Variants in TNIK observed in about 807,000 individuals in gnomAD.
TNIK encodes the protein TRAF2 and NCK interacting kinase.
A neutral mutation model predicts 191.3 loss-of-function variants in TNIK; 49 were observed. The observed-to-expected ratio is 0.26, with a 90% CI of 0.20 to 0.32. TNIK has a LOEUF of 0.32. Ranked by LOEUF, TNIK falls within the 10% of genes least tolerant of loss-of-function variation. The pLI, the probability that TNIK is intolerant of heterozygous loss-of-function variation, is 1.00. For missense variants in TNIK, 1,155 were observed against 1,702.3 expected (o/e 0.68, Z 5.66); for synonymous variants, 594 against 600.9 (o/e 0.99, Z 0.17).
At chr3:171,455,433 G>GTCT (rs907755362) in intron 1 of TNIK, among the ~76,000 whole-genome samples, 1 of 149,220 alleles carries the variant, frequency 6.7e-6, no homozygotes, top group African/African-American at 2.5e-5. Context: ...TAGAGATGGA[G>GTCT]TCTCCCTACA....
chr3:171,266,453 G>A (rs1191774869), intron 2 of TNIK, among the ~76,000 whole-genome samples: 1 of 152,176 alleles, frequency 6.6e-6, no homozygotes, highest in Non-Finnish European at 1.5e-5. Flanking sequence ...TCTCAAAGTA[G>A]AGAGGAATGA....
chr3:171,197,843 T>C (rs1738897783), intron 4 of TNIK, among the ~76,000 whole-genome samples: 2 of 152,198 alleles, frequency 1.3e-5, no homozygotes, highest in African/African-American at 2.4e-5. Flanking sequence ...GTTACTGCGG[T>C]GAACAGTTAA....
At chr3:171,198,930 G>T (rs186508025) in intron 4 of TNIK, among the ~76,000 whole-genome samples, 1 of 152,272 alleles carries the variant, frequency 6.6e-6, no homozygotes, top group East Asian at 1.9e-4. Context: ...CATTGCTCCT[G>T]TATCAGCTGG....
At chr3:171,250,071 T>G (rs1486659471) in intron 2 of TNIK, among the ~76,000 whole-genome samples, 1 of 152,234 alleles carries the variant, frequency 6.6e-6, no homozygotes, top group Non-Finnish European at 1.5e-5. Context: ...GCCTGCATGC[T>G]TCTGCCTTTG....
At position 171,244,329 on chromosome 3, in the gene TNIK, T is replaced by C. The variant is rs1001433788; in HGVS notation, c.124-16108A>G. ...ATCCACCCACCTCGGCCTCCCAAAG[T>C]GCTGGGATTACAGGCGTGAGCCACT... On this transcript the variant is annotated intron_variant, in intron 2 of 32. Transcript: ENST00000436636. Among the ~76,000 whole-genome samples the C allele has an allele frequency of 5.3e-5, 8 of 152,190 alleles. No individual in the cohort carries two copies. The East Asian group carries it at 9.7e-4, about 18-fold the overall frequency.
chr3:171,273,559 G>A (rs1053903910), intron 2 of TNIK, among the ~76,000 whole-genome samples: 4 of 152,116 alleles, frequency 2.6e-5, no homozygotes, highest in African/African-American at 4.8e-5. Context: ...CTCTTAAGAA[G>A]GTATTTTCAC....
intron 22 of TNIK, among the ~76,000 whole-genome samples, chr3:171,095,663 G>A (rs1344643711): frequency 6.6e-6 from 1 of 151,924 alleles, no homozygotes; most frequent in Non-Finnish European, 1.5e-5. Flanking sequence ...ATGTCTCTGG[G>A]GCAGAGAAAG....
intron 1 of TNIK, among the ~76,000 whole-genome samples, chr3:171,392,794 A>G (rs1450137370): frequency 6.6e-6 from 1 of 151,292 alleles, no homozygotes; most frequent in Non-Finnish European, 1.5e-5. Context: ...AAAAAAAAAA[A>G]AGAAAAGAAA....
At chr3:171,115,135 G>A (rs1351331311) in intron 18 of TNIK, among the ~76,000 whole-genome samples, 1 of 152,170 alleles carries the variant, frequency 6.6e-6, no homozygotes, top group Non-Finnish European at 1.5e-5. Context: ...TCATTTTGTG[G>A]AACGGTAATG....
intron 24 of TNIK, 22 bp downstream of exon 24, chr3:171,087,320 T>A: frequency 1.2e-6 from 2 of 1,613,316 alleles, no homozygotes; most frequent in Non-Finnish European, 1.7e-6. Context: ...AACTGTCATG[T>A]CAGCTGTTGC....
intron 2 of TNIK, among the ~76,000 whole-genome samples, chr3:171,302,867 C>T (rs145481900): frequency 8.3e-4 from 127 of 152,290 alleles, no homozygotes; most frequent in Non-Finnish European, 1.6e-3. Flanking sequence ...GTCTCCATCT[C>T]CTCCACCATC....
intron 1 of TNIK, among the ~76,000 whole-genome samples, chr3:171,421,724 A>ATTTTTTTTTTTTTTTTTT (rs67895255): frequency 1.1e-5 from 1 of 91,354 alleles, no homozygotes; most frequent in African/African-American, 5.0e-5. Flanking sequence ...TAGTTGTGTA[A>ATTTTTTTTTTTTTTTTTT]TTTTTTTTTT....
At chr3:171,434,918 A>G (rs1725847741) in intron 1 of TNIK, among the ~76,000 whole-genome samples, 1 of 152,208 alleles carries the variant, frequency 6.6e-6, no homozygotes. Flanking sequence ...GGATGTTTGC[A>G]ACTGCAAGTA....
chr3:171,192,934 G>GT (rs781055494), intron 5 of TNIK, among the ~76,000 whole-genome samples: 8 of 152,082 alleles, frequency 5.3e-5, no homozygotes, highest in Non-Finnish European at 7.4e-5. Flanking sequence ...GGATGTATGT[G>GT]TTTTTTCTTA....
At chr3:171,066,912 C>A (rs1205379689) in intron 30 of TNIK, among the ~76,000 whole-genome samples, 177 bp from the exon 31 acceptor site, 1 of 152,106 alleles carries the variant, frequency 6.6e-6, no homozygotes, top group Non-Finnish European at 1.5e-5. Flanking sequence ...CAAACTTAGT[C>A]ACTAGATTAA....
chr3:171,075,974 G>A (rs1391567528), intron 28 of TNIK, among the ~76,000 whole-genome samples: 3 of 152,160 alleles, frequency 2.0e-5, no homozygotes, highest in East Asian at 1.9e-4. Context: ...CTGACCTCAC[G>A]ATCCACGTGC....
chr3:171,388,332 A>G (rs73173635), intron 1 of TNIK, among the ~76,000 whole-genome samples: 5,872 of 152,350 alleles, frequency 0.039, 180 homozygotes, highest in Non-Finnish European at 0.057. Context: ...ATTATTGAAT[A>G]GAGATACTCT....
At chr3:171,276,946 A>G (rs750727222) in intron 2 of TNIK, among the ~76,000 whole-genome samples, 2 of 152,256 alleles carry the variant, frequency 1.3e-5, no homozygotes, top group Admixed American at 1.3e-4. Flanking sequence ...TTAGATTGCT[A>G]TACTTTAAAT....
intron 2 of TNIK, among the ~76,000 whole-genome samples, chr3:171,267,404 T>C (rs16856073): frequency 0.038 from 5,733 of 152,248 alleles, 327 homozygotes; most frequent in African/African-American, 0.13. Context: ...AAAGGGAATA[T>C]ACTTAATTCA....
Sources: gnomAD v4.1 joint callset for allele counts (sites outside exome capture counted in the v4.1 genomes callset) on GRCh38, gnomAD v4.1.1 for gene constraint, MANE v1.5 for transcripts, NCBI Gene and HGNC (gene_info 2026-07-23, HGNC 2026-07-21) for gene names.